Variants in PARD3 observed in about 807,000 individuals in gnomAD.
PARD3 encodes par-3 family cell polarity regulator, also known as partitioning defective 3 homolog.
Under a neutral mutation model 155.4 loss-of-function variants are expected in PARD3, and 75 were observed. That is an observed-to-expected ratio of 0.48 (90% CI 0.40 to 0.58). PARD3 has a LOEUF of 0.58. Ranked by LOEUF, PARD3 falls within the 20% of genes least tolerant of loss-of-function variation. The pLI is 0.00. For synonymous variants in PARD3, 576 were observed against 610.5 expected (o/e 0.94, Z 0.83); for missense variants, 1,642 against 1,721.7 (o/e 0.95, Z 0.82).
intron 2 of PARD3, among the ~76,000 whole-genome samples, chr10:34,620,645 T>A (rs1196342335): frequency 6.6e-6 from 1 of 152,232 alleles, no homozygotes; most frequent in African/African-American, 2.4e-5. Context: ...TTACAAAGCA[T>A]CAGCTTAAAC....
At chr10:34,664,355 C>A (rs2093399487) in intron 2 of PARD3, among the ~76,000 whole-genome samples, 1 of 151,624 alleles carries the variant, frequency 6.6e-6, no homozygotes, top group Non-Finnish European at 1.5e-5. Flanking sequence ...GGTGTGCACC[C>A]CCAGGCCCGG....
At chr10:34,312,373 T>A (rs552663558) in intron 20 of PARD3, 33 of 1,612,730 alleles carry the variant, frequency 2.0e-5, no homozygotes, top group Non-Finnish European at 2.7e-5. Flanking sequence ...CGGGCTTCAG[T>A]TTGGCAAGGC....
intron 22 of PARD3, among the ~76,000 whole-genome samples, chr10:34,252,701 T>C (rs1954391984): frequency 1.3e-5 from 2 of 152,054 alleles, no homozygotes; most frequent in Admixed American, 1.3e-4. Context: ...TGAATATATA[T>C]GTTTATGTGT....
intron 1 of PARD3, among the ~76,000 whole-genome samples, chr10:34,745,562 C>T (rs749935776): frequency 1.3e-5 from 2 of 152,254 alleles, no homozygotes; most frequent in East Asian, 3.9e-4. Flanking sequence ...ATCTAAGCCT[C>T]CCACTCCAGG....
chr10:34,343,946 A>G (rs1206297379), intron 15 of PARD3: 2 of 981,608 alleles, frequency 2.0e-6, no homozygotes, highest in Non-Finnish European at 2.4e-6. Flanking sequence ...CTAGAGGAAA[A>G]CTGTGCCAGT....
At chr10:34,649,527 A>G (rs1286494096) in intron 2 of PARD3, among the ~76,000 whole-genome samples, 1 of 152,242 alleles carries the variant, frequency 6.6e-6, no homozygotes, top group Non-Finnish European at 1.5e-5. Flanking sequence ...AACATATGGT[A>G]TAAAGGGTGA....
intron 7 of PARD3, among the ~76,000 whole-genome samples, chr10:34,397,746 T>C (rs1396761276): frequency 6.6e-6 from 1 of 152,214 alleles, no homozygotes; most frequent in African/African-American, 2.4e-5. Context: ...TATAGTAACA[T>C]GTAATTGAAA....
intron 20 of PARD3, among the ~76,000 whole-genome samples, chr10:34,293,413 C>A (rs760361790): frequency 1.1e-4 from 17 of 152,062 alleles, no homozygotes; most frequent in Non-Finnish European, 1.9e-4. Flanking sequence ...TACCCAAATG[C>A]AAATAATAAT....
intron 20 of PARD3, among the ~76,000 whole-genome samples, chr10:34,292,626 T>G (rs964297967): frequency 2.0e-5 from 3 of 152,210 alleles, no homozygotes; most frequent in Admixed American, 6.5e-5. Context: ...ATTATTTGAT[T>G]GTGTACTTTT....
rs533598627 is a variant in PARD3, at chr10:34,811,828, G to A, written c.120+3048C>T. ...GAATCACGCGTGTCAGGTCGCAAGC[G>A]CAGAAGAACAGATGCAGACACGGTC... On this transcript the variant is annotated intron_variant, in intron 1 of 24. Coordinates refer to ENST00000374788, the MANE Select transcript of PARD3 (RefSeq NM_001184785.2). Among the ~76,000 whole-genome samples, 74 of 152,262 alleles carry A rather than the reference G, an allele frequency of 4.9e-4. 1 individual carries two copies. Among genetic ancestry groups the A allele is most frequent in the African/African-American group, 1.5e-3 (63 of 41,556 alleles).
intron 5 of PARD3, among the ~76,000 whole-genome samples, chr10:34,446,428 CCT>C (rs1156543766): frequency 3.3e-5 from 5 of 151,836 alleles, no homozygotes; most frequent in Non-Finnish European, 2.9e-5. Context: ...CACGGCAACC[CCT>C]GAGACAAGGT....
chr10:34,731,091 T>C (rs1296904052), intron 1 of PARD3, among the ~76,000 whole-genome samples: 2 of 149,568 alleles, frequency 1.3e-5, no homozygotes, highest in Admixed American at 1.4e-4. Flanking sequence ...GTCATCATTA[T>C]AATCATCTGT....
chr10:34,173,376 G>A (rs1332044393), intron 22 of PARD3, among the ~76,000 whole-genome samples: 1 of 152,230 alleles, frequency 6.6e-6, no homozygotes, highest in Non-Finnish European at 1.5e-5. Context: ...CTGTTTGTCA[G>A]TGGGGATCAA....
rs558167096 is a variant in PARD3 at position 34,480,797 on chromosome 10, T to C, written c.404-10534A>G. Among the ~76,000 whole-genome samples the C allele has an allele frequency of 1.2e-4, 16 of 138,658 alleles. No homozygotes were observed. In the South Asian group the frequency reaches 3.2e-3, roughly 28 times the overall value. 91.0% of individuals were successfully genotyped at this position (138,658 alleles called of 152,430 possible). On this transcript the variant is annotated intron_variant, in intron 3 of 24. Transcript: ENST00000374788. ...GTACATCTGCAGGTTTCTTTTTCTT[T>C]TTTTTTTTTTTTTTTTCTTTTTTGA...
chr10:34,456,589 T>C (rs1189057837), intron 4 of PARD3, among the ~76,000 whole-genome samples: 3 of 152,148 alleles, frequency 2.0e-5, no homozygotes, highest in Non-Finnish European at 4.4e-5. Flanking sequence ...TGAGCCACCG[T>C]GCCTGGCCAA....
At position 34,635,255 on chromosome 10, in the gene PARD3, T is replaced by C. The variant is rs1024692379; in HGVS notation, c.222+61063A>G. On this transcript the variant is annotated intron_variant, in intron 2 of 24. Coordinates refer to ENST00000374788, the MANE Select transcript of PARD3 (RefSeq NM_001184785.2). ...CCGGTCTTCTGATTCTATTTGCAGA[T>C]AAATGCTAAAGGCATAGGATTTCAA... 3.3e-5 allele frequency among the ~76,000 whole-genome samples: 5 copies of C among 152,356 alleles called. No homozygotes were observed. In the East Asian group the frequency reaches 7.7e-4, roughly 23 times the overall value.
chr10:34,679,995 T>C (rs12260756), intron 2 of PARD3, among the ~76,000 whole-genome samples: 3,105 of 152,260 alleles, frequency 0.02, 104 homozygotes, highest in African/African-American at 0.071. Flanking sequence ...GTTCACTATT[T>C]AGGTGATGGA....
chr10:34,616,273 T>C (rs1204037403), intron 2 of PARD3, among the ~76,000 whole-genome samples: 11 of 151,996 alleles, frequency 7.2e-5, no homozygotes, highest in Admixed American at 2.6e-4. Flanking sequence ...GCTAAGATCG[T>C]GCTACTGCAC....
At chr10:34,498,943 T>G (rs1168911638) in intron 3 of PARD3, among the ~76,000 whole-genome samples, 1 of 152,182 alleles carries the variant, frequency 6.6e-6, no homozygotes, top group Non-Finnish European at 1.5e-5. Flanking sequence ...AGAATAGCAC[T>G]GAAGTAATAG....
Sources: allele counts gnomAD v4.1 joint callset (sites outside exome capture counted in the v4.1 genomes callset), GRCh38; gene constraint gnomAD v4.1.1; transcripts MANE v1.5; gene names NCBI Gene and HGNC (gene_info 2026-07-23, HGNC 2026-07-21).